DYNC2H1: variants seen among roughly 807,000 people sequenced by gnomAD.
DYNC2H1 encodes cytoplasmic dynein 2 heavy chain 1.
A neutral mutation model predicts 570.0 loss-of-function variants in DYNC2H1; 410 were observed. The observed-to-expected ratio is 0.72, with a 90% CI of 0.66 to 0.78. The LOEUF (loss-of-function observed/expected upper bound fraction) is 0.78. Among genes scored for constraint, DYNC2H1 ranks in the 30% least tolerant of loss-of-function variants. DYNC2H1 has a pLI of 0.00. For synonymous variants in DYNC2H1, 1,688 were observed against 1,677.6 expected (o/e 1.01, Z -0.15); for missense variants, 4,865 against 5,046.4 (o/e 0.96, Z 1.09).
At chr11:103,362,329 TTTTC>T (rs1411453817) in intron 83 of DYNC2H1, among the ~76,000 whole-genome samples, 3,373 of 33,382 alleles carry the variant, frequency 0.1, 168 homozygotes, top group Non-Finnish European at 0.14. Flanking sequence ...TCTTTTTTTT[TTTTC>T]TTTTTTTTTT....
chr11:103,398,808 A>G (rs900112069), intron 83 of DYNC2H1, among the ~76,000 whole-genome samples: 1 of 152,122 alleles, frequency 6.6e-6, no homozygotes, highest in Non-Finnish European at 1.5e-5. Context: ...AAGAAACCCC[A>G]GAACTGTCAT....
chr11:103,131,467 T>G (rs1859265179), intron 13 of DYNC2H1, among the ~76,000 whole-genome samples: 1 of 152,138 alleles, frequency 6.6e-6, no homozygotes, highest in African/African-American at 2.4e-5. Context: ...TTTTTGTATT[T>G]TTTAGTAGAG....
chr11:103,320,887 A>G (rs1258306301), intron 80 of DYNC2H1, 142 bp from the exon 81 acceptor site: 1 of 669,346 alleles, frequency 1.5e-6, no homozygotes. Flanking sequence ...AATCTCAAAT[A>G]TTTACTACTA....
rs637923 is a variant in DYNC2H1 at position 103,220,156 on chromosome 11, G to A, written c.8946+128G>A. ...ATAAAATGTGGTTTTCAACCAAAATGTTACTTGTAAAAGAGAACAAGAAGG... is the reference window on the plus strand; with the variant it reads ...ATAAAATGTGGTTTTCAACCAAAATATTACTTGTAAAAGAGAACAAGAAGG... On this transcript the variant is annotated intron_variant, in intron 56 of 88. Coordinates refer to ENST00000375735, the MANE Select transcript of DYNC2H1 (RefSeq NM_001377.3). 430,820 of 464,502 alleles carry A rather than the reference G, an allele frequency of 0.93. 200,069 individuals are homozygous for A. The highest frequency in any genetic ancestry group is 0.94 in the Admixed American group (21,616 of 22,952). The allele number at this position is 464,502 out of a possible 1,614,324, so 28.8% of individuals were successfully genotyped here.
chr11:103,224,494 A>G (rs1591436667), intron 59 of DYNC2H1, among the ~76,000 whole-genome samples: 1 of 152,354 alleles, frequency 6.6e-6, no homozygotes, highest in South Asian at 2.1e-4. Context: ...GTGAGAACGT[A>G]CAATGTTTGG....
chr11:103,390,377 G>C (rs1942086148), intron 83 of DYNC2H1, among the ~76,000 whole-genome samples: 1 of 149,266 alleles, frequency 6.7e-6, no homozygotes, highest in South Asian at 2.2e-4. Flanking sequence ...CCTTTATTTT[G>C]AGTCTATATG....
chr11:103,310,888 A>G (rs902153470), intron 78 of DYNC2H1, among the ~76,000 whole-genome samples: 1 of 151,362 alleles, frequency 6.6e-6, no homozygotes, highest in African/African-American at 2.4e-5. Context: ...TTTTTAGTAG[A>G]GGCGGGTTTC....
rs1464423842 is a variant in DYNC2H1 at position 103,128,597 on chromosome 11, T to C, written c.1858-313T>C. ...AGAAGTGCAGGAATTAAGAATTTAG[T>C]TTTTTAGCATTTAACATGCTTCAGT... On this transcript the variant is annotated intron_variant, in intron 12 of 88. Coordinates refer to ENST00000375735, the MANE Select transcript of DYNC2H1 (RefSeq NM_001377.3). Among the ~76,000 whole-genome samples the C allele has an allele frequency of 2.0e-5, 3 of 152,204 alleles. 1 individual carries two copies. The highest frequency in any genetic ancestry group is 1.5e-5 in the Non-Finnish European group (1 of 68,026).
intron 3 of DYNC2H1, among the ~76,000 whole-genome samples, chr11:103,114,586 C>T (rs1858280999): frequency 6.6e-6 from 1 of 152,082 alleles, no homozygotes. Flanking sequence ...TCCCAAAGTG[C>T]CGAGGCAGTA....
chr11:103,431,931 C>T (rs1943907383), intron 84 of DYNC2H1, among the ~76,000 whole-genome samples: 1 of 152,102 alleles, frequency 6.6e-6, no homozygotes, highest in Non-Finnish European at 1.5e-5. Flanking sequence ...TTGACGAATG[C>T]TGGCTGCAGG....
intron 84 of DYNC2H1, among the ~76,000 whole-genome samples, chr11:103,409,167 T>C (rs1942986131): frequency 6.6e-6 from 1 of 152,024 alleles, no homozygotes; most frequent in South Asian, 2.1e-4. Context: ...TTTGCCGAGT[T>C]CCTTTTACTT....
At chr11:103,442,515 T>C (rs541590683) in intron 85 of DYNC2H1, among the ~76,000 whole-genome samples, 2 of 152,234 alleles carry the variant, frequency 1.3e-5, no homozygotes, top group South Asian at 2.1e-4. Context: ...CAGTAACAGC[T>C]GATAAATCCT....
intron 22 of DYNC2H1, 91 bp from the exon 23 acceptor site, chr11:103,154,360 T>TA: frequency 9.0e-7 from 1 of 1,109,390 alleles, no homozygotes; most frequent in Non-Finnish European, 1.3e-6. Context: ...TGTACACACA[T>TA]ACAAGGATTG....
At chr11:103,147,173 G>A (rs573294500) in intron 18 of DYNC2H1, among the ~76,000 whole-genome samples, 10 of 152,224 alleles carry the variant, frequency 6.6e-5, no homozygotes, top group African/African-American at 2.4e-4. Flanking sequence ...TATTTGACGT[G>A]TACATTGCTC....
chr11:103,152,296 T>C lies in DYNC2H1; in HGVS notation c.3096+11T>C, dbSNP rs751608799. 1 of 1,564,562 alleles carries C rather than the reference T, an allele frequency of 6.4e-7. No individual in the cohort carries two copies. Among genetic ancestry groups the C allele is most frequent in the Non-Finnish European group, 8.6e-7 (1 of 1,164,142 alleles). The stretch of plus-strand genomic sequence containing the variant: ...ATGATTAAAGACCAGGTTAGAATCT[T>C]TTAATTATTTATTAAAATGGGAACT... On this transcript the variant is annotated intron_variant, in intron 21 of 88. Transcript: ENST00000375735.
chr11:103,320,008 C>T (rs1227576901), intron 80 of DYNC2H1, among the ~76,000 whole-genome samples: 1 of 152,108 alleles, frequency 6.6e-6, no homozygotes, highest in Non-Finnish European at 1.5e-5. Flanking sequence ...CAATTTTTGT[C>T]ATATCTCTAA....
chr11:103,468,332 A>G (rs1945263690), intron 87 of DYNC2H1: 1 of 247,268 alleles, frequency 4.0e-6, no homozygotes, highest in African/African-American at 2.2e-5. Flanking sequence ...AGACACCCGC[A>G]GTTGTATAAC....
intron 34 of DYNC2H1, among the ~76,000 whole-genome samples, chr11:103,172,400 C>A (rs1281980026): frequency 6.6e-6 from 1 of 152,042 alleles, no homozygotes; most frequent in Non-Finnish European, 1.5e-5. Context: ...ATAATCACAT[C>A]TTTTTCATCT....
chr11:103,316,037 C>T (rs1591566840), intron 79 of DYNC2H1, among the ~76,000 whole-genome samples: 1 of 151,888 alleles, frequency 6.6e-6, no homozygotes, highest in Non-Finnish European at 1.5e-5. Context: ...CAATATAGAG[C>T]TCTATGAATA....
Sources: allele counts gnomAD v4.1 joint callset (sites outside exome capture counted in the v4.1 genomes callset), GRCh38; gene constraint gnomAD v4.1.1; transcripts MANE v1.5; gene names NCBI Gene and HGNC (gene_info 2026-07-23, HGNC 2026-07-21).